Variants in CCDC179 observed in about 807,000 individuals in gnomAD.
CCDC179 encodes the protein coiled-coil domain containing 179, also known as coiled-coil domain-containing protein 179.
A neutral mutation model predicts 12.0 loss-of-function variants in CCDC179; 17 were observed. The ratio of observed to expected loss-of-function variants is 1.42; its 90% CI spans 0.97 to 2.13. CCDC179 has a LOEUF of 2.13. CCDC179 is among the 30% of genes most tolerant of loss of function. The probability of loss-of-function intolerance (pLI) is 0.00; values close to 1 mark genes in which losing one functional copy is unlikely to be tolerated. For synonymous variants in CCDC179, 27 were observed against 26.4 expected, an observed-to-expected ratio of 1.02 and a Z score of -0.07; for missense variants, 83 against 78.6, an observed-to-expected ratio of 1.06 and a Z score of -0.21.
Position 22,859,039 on chromosome 11 carries a change from A to G in CCDC179, c.90+413T>C, listed in dbSNP as rs140632223. ...AAATAGTGCACTTATAGAGACACCT[A>G]TGTAACAAACTATTAAAGAAGAGGA... On this transcript the variant is annotated intron_variant, in intron 2 of 3. Transcript: ENST00000532798. Among the ~76,000 whole-genome samples, 123 of 152,226 alleles carry G rather than the reference A, an allele frequency of 8.1e-4. 2 individuals are homozygous for G. The East Asian group carries it at 0.022, about 27-fold the overall frequency.
intron 3 of CCDC179, among the ~76,000 whole-genome samples, chr11:22,851,513 G>C (rs1169343384): frequency 6.6e-6 from 1 of 152,116 alleles, no homozygotes; most frequent in Non-Finnish European, 1.5e-5. Context: ...AAACAATTTT[G>C]ATCAAAGAAA....
intron 2 of CCDC179, among the ~76,000 whole-genome samples, chr11:22,858,959 A>G (rs1002793831): frequency 6.6e-6 from 1 of 152,110 alleles, no homozygotes; most frequent in African/African-American, 2.4e-5. Context: ...AGAGTAAATC[A>G]TACACTAAAT....
intron 1 of CCDC179, 62 bp from the exon 2 acceptor site, chr11:22,859,558 A>T: frequency 1.0e-6 from 1 of 964,712 alleles, no homozygotes; most frequent in Non-Finnish European, 1.4e-6. Flanking sequence ...CAGTAAATTA[A>T]TTATTATAAT....
intron 2 of CCDC179, 42 bp downstream of exon 2, chr11:22,859,410 A>T (rs886490210): frequency 2.2e-6 from 3 of 1,368,710 alleles, no homozygotes; most frequent in Non-Finnish European, 2.9e-6. Context: ...TACAAGCACA[A>T]TGTTTAAACA....
In CCDC179 at chr11:22,859,481, G is replaced by T; in HGVS notation, c.61C>A (p.His21Asn). 6.7e-7 allele frequency: 1 copy of T among 1,501,634 alleles called. No homozygotes were observed. The highest frequency in any genetic ancestry group is 1.3e-5 in the South Asian group (1 of 75,980). The allele number at this position is 1,501,634 out of a possible 1,614,324, so 93.0% of individuals were successfully genotyped here. A position where few individuals can be genotyped will look rare whatever the true frequency, so the allele number is the denominator to read the frequency against. ...SQVNPEGPRQHHPSEVTERQL... is the reference protein window; with the variant it reads ...SQVNPEGPRQNHPSEVTERQL... ...CGCTCAGTGACCTCTGAAGGATGAT[G>T]TTGTCTTGGTCCTTCCTATATAATA... The change falls in exon 2 of 4, where the codon CAT becomes AAT. Residue 21 changes from histidine (H) to asparagine (N), a missense_variant. Coordinates refer to ENST00000532798, the MANE Select transcript of CCDC179 (RefSeq NM_001195637.2).
Position 22,860,397 on chromosome 11 carries a change from C to G in CCDC179, c.25G>C (p.Glu9Gln), listed in dbSNP as rs757673440. The G allele has an allele frequency of 1.3e-6, 2 of 1,535,600 alleles. No individual in the cohort carries two copies. The highest frequency in any genetic ancestry group is 2.4e-5 in the East Asian group (1 of 40,842). The change falls in exon 1 of 4, where the codon GAG (glutamate) becomes CAG (glutamine). Residue 9 changes from glutamate (E) to glutamine (Q), a missense_variant. Physicochemically the swap from Glu to Gln is conservative, Grantham distance 29. Coordinates refer to ENST00000532798, the MANE Select transcript of CCDC179 (RefSeq NM_001195637.2). Reference protein sequence around the residue: MCLYCWDIEPSQVNPEGPR... With the variant: MCLYCWDIQPSQVNPEGPR... ...CTCACAGGGTTGACTTGGGAAGGCT[C>G]GATGTCCCAGCAATACAGGCACATG... is the stretch of plus-strand genomic sequence containing the variant.
chr11:22,859,282 C>G (rs1394920493), intron 2 of CCDC179, among the ~76,000 whole-genome samples, 170 bp downstream of exon 2: 1 of 151,814 alleles, frequency 6.6e-6, no homozygotes, highest in Non-Finnish European at 1.5e-5. Flanking sequence ...TTTAGTTTAC[C>G]CTAGTTAAGA....
intron 1 of CCDC179, 148 bp downstream of exon 1, chr11:22,860,229 C>T: frequency 2.4e-6 from 2 of 829,824 alleles, no homozygotes; most frequent in Non-Finnish European, 3.6e-6. Context: ...AGGATGTAGT[C>T]TGTCTACATC....
intron 3 of CCDC179, among the ~76,000 whole-genome samples, chr11:22,852,167 G>A (rs567625238): frequency 2.6e-5 from 4 of 152,276 alleles, no homozygotes; most frequent in South Asian, 2.1e-4. Context: ...TTACATCCCA[G>A]GGATAGGAAA....
chr11:22,851,618 A>G (rs192201968), intron 3 of CCDC179, among the ~76,000 whole-genome samples: 3 of 152,344 alleles, frequency 2.0e-5, no homozygotes, highest in Admixed American at 1.3e-4. Flanking sequence ...CTGAAAAGCA[A>G]TTAATCTTGT....
intron 3 of CCDC179, among the ~76,000 whole-genome samples, chr11:22,847,976 T>C (rs1293861819): frequency 1.3e-5 from 2 of 152,172 alleles, no homozygotes; most frequent in Non-Finnish European, 2.9e-5. Flanking sequence ...AGTGTGTTTA[T>C]GTCTGAAAAT....
chr11:22,849,338 AT>A (rs1317562253), intron 3 of CCDC179, among the ~76,000 whole-genome samples: 1 of 152,118 alleles, frequency 6.6e-6, no homozygotes, highest in Non-Finnish European at 1.5e-5. Flanking sequence ...TGAACTTAGG[AT>A]TTTCATATTT....
At chr11:22,857,706 A>G (rs1858560203) in intron 3 of CCDC179, among the ~76,000 whole-genome samples, 1 of 151,794 alleles carries the variant, frequency 6.6e-6, no homozygotes, top group African/African-American at 2.4e-5. Context: ...ACCTGGTTTC[A>G]AAGATAATCC....
At chr11:22,854,677 A>T (rs1307966232) in intron 3 of CCDC179, among the ~76,000 whole-genome samples, 1 of 151,830 alleles carries the variant, frequency 6.6e-6, no homozygotes, top group Admixed American at 6.6e-5. Context: ...CATAAATGCA[A>T]GTAAAAACAA....
intron 3 of CCDC179, among the ~76,000 whole-genome samples, chr11:22,848,480 A>T (rs1266107838): frequency 6.6e-6 from 1 of 152,142 alleles, no homozygotes; most frequent in Non-Finnish European, 1.5e-5. Context: ...CAAAAATAAA[A>T]ACAAAAATAT....
chr11:22,851,053 T>A (rs1247759836), intron 3 of CCDC179, among the ~76,000 whole-genome samples: 2 of 138,184 alleles, frequency 1.4e-5, no homozygotes, highest in Non-Finnish European at 3.1e-5. Flanking sequence ...TGGTGCTATC[T>A]TGGCTCACTG....
chr11:22,848,812 G>A (rs1308577807), intron 3 of CCDC179, among the ~76,000 whole-genome samples: 2 of 152,170 alleles, frequency 1.3e-5, no homozygotes, highest in African/African-American at 4.8e-5. Flanking sequence ...GGTTTCTGGT[G>A]TGTCATATTC....
intron 3 of CCDC179, among the ~76,000 whole-genome samples, chr11:22,848,887 G>A (rs1249592938): frequency 1.3e-5 from 2 of 152,120 alleles, no homozygotes; most frequent in Admixed American, 1.3e-4. Flanking sequence ...ATTTGTAACA[G>A]TTTGATACTG....
chr11:22,849,107 G>C (rs373024729), intron 3 of CCDC179, among the ~76,000 whole-genome samples: 20 of 152,230 alleles, frequency 1.3e-4, no homozygotes, highest in African/African-American at 4.8e-4. Flanking sequence ...GTAACTCTTT[G>C]TTATTGCTAT....
Sources: gnomAD v4.1 joint callset for allele counts (sites outside exome capture counted in the v4.1 genomes callset) on GRCh38, gnomAD v4.1.1 for gene constraint, MANE v1.5 for transcripts, NCBI Gene and HGNC (gene_info 2026-07-23, HGNC 2026-07-21) for gene names.